Variants in IL4R observed in about 807,000 individuals in gnomAD.
The protein encoded by IL4R is interleukin 4 receptor.
A neutral mutation model predicts 41.5 loss-of-function variants in IL4R; 17 were observed. The observed-to-expected ratio is 0.41, with a 90% CI of 0.28 to 0.61. The LOEUF (loss-of-function observed/expected upper bound fraction) is 0.61. Among genes scored for constraint, IL4R ranks in the 20% least tolerant of loss-of-function variants. The pLI, the probability that IL4R is intolerant of heterozygous loss-of-function variation, is 0.31. For synonymous variants in IL4R, 402 were observed against 422.9 expected (o/e 0.95, Z 0.61); for missense variants, 974 against 1,043.1 (o/e 0.93, Z 0.91).
intron 2 of IL4R, among the ~76,000 whole-genome samples, chr16:27,336,276 G>A (rs1165358853): frequency 6.6e-6 from 1 of 152,094 alleles, no homozygotes; most frequent in African/African-American, 2.4e-5. Context: ...ATGGAATACT[G>A]AGAGTGAAAA....
chr16:27,348,490 G>T (rs2085743819), intron 6 of IL4R, among the ~76,000 whole-genome samples: 1 of 152,234 alleles, frequency 6.6e-6, no homozygotes, highest in South Asian at 2.1e-4. Context: ...AACCTGTCCA[G>T]CTCTGCGCCC....
At chr16:27,348,477 A>G (rs951448438) in intron 6 of IL4R, among the ~76,000 whole-genome samples, 2 of 152,224 alleles carry the variant, frequency 1.3e-5, no homozygotes, top group Non-Finnish European at 2.9e-5. Flanking sequence ...TCCAGCTTCT[A>G]GGAACCTGTC....
At chr16:27,356,416 A>C (rs56674260) in intron 8 of IL4R, among the ~76,000 whole-genome samples, 3,572 of 152,276 alleles carry the variant, frequency 0.023, 142 homozygotes, top group African/African-American at 0.077. Flanking sequence ...TAAAACCGGC[A>C]TCCTACTGGG....
intron 10 of IL4R, among the ~76,000 whole-genome samples, chr16:27,361,951 G>A (rs1048849169): frequency 2.6e-5 from 4 of 152,056 alleles, no homozygotes; most frequent in African/African-American, 9.7e-5. Flanking sequence ...CATGGCTTGG[G>A]ATAATGGTGT....
In IL4R at chr16:27,352,632, G is replaced by A. The variant is rs761403312; in HGVS notation, c.606G>A (p.Arg202=). 1.5e-5 allele frequency: 25 copies of A among 1,614,024 alleles called. No homozygotes were observed. The highest frequency in any genetic ancestry group is 2.1e-5 in the Non-Finnish European group (25 of 1,180,016). ...GGATTTCCTACAGGGCACGGGTGAG[G>A]GCCTGGGCTCAGTGCTATAACACCA... is the stretch of plus-strand genomic sequence containing the variant. ...KSGISYRARV[R]AWAQCYNTTW... Residue 202 remains arginine, a synonymous_variant, in exon 7 of 11, where the codon AGG becomes AGA. Transcript: ENST00000395762.
intron 8 of IL4R, among the ~76,000 whole-genome samples, chr16:27,357,733 G>A (rs968165124): frequency 3.9e-5 from 6 of 152,042 alleles, no homozygotes; most frequent in Non-Finnish European, 8.8e-5. Flanking sequence ...CAAGGTGCTG[G>A]GTACAGGCAT....
chr16:27,321,447 GT>G (rs748151324), intron 1 of IL4R, among the ~76,000 whole-genome samples: 2 of 152,196 alleles, frequency 1.3e-5, no homozygotes, highest in African/African-American at 2.4e-5. Context: ...CGCAAAGACT[GT>G]TTGTTTGGTC....
chr16:27,315,485 A>C (rs950307348), intron 1 of IL4R: 2 of 152,618 alleles, frequency 1.3e-5, no homozygotes, highest in African/African-American at 4.8e-5. Context: ...CAGCGGCTGC[A>C]GGACCACAAG....
intron 6 of IL4R, among the ~76,000 whole-genome samples, chr16:27,348,160 T>C (rs1459184283): frequency 6.6e-6 from 1 of 152,172 alleles, no homozygotes; most frequent in African/African-American, 2.4e-5. Context: ...TCGATTTATA[T>C]CTCTCAGGTC....
At chr16:27,324,196 G>T (rs2084892111) in intron 1 of IL4R, among the ~76,000 whole-genome samples, 2 of 152,202 alleles carry the variant, frequency 1.3e-5, no homozygotes, top group Admixed American at 1.3e-4. Context: ...TCAGCACCCT[G>T]GCGCCAAGAG....
intron 3 of IL4R, chr16:27,341,248 T>C: frequency 1.5e-6 from 1 of 657,234 alleles, no homozygotes. Flanking sequence ...CCAAGATTTC[T>C]GACCTAAACT....
chr16:27,316,450 C>T (rs919895420), intron 1 of IL4R, among the ~76,000 whole-genome samples: 1 of 152,212 alleles, frequency 6.6e-6, no homozygotes, highest in Non-Finnish European at 1.5e-5. Context: ...CCACCCACCC[C>T]ATCTGGGACG....
At chr16:27,327,306 C>T (rs1050554216) in intron 1 of IL4R, among the ~76,000 whole-genome samples, 9 of 152,164 alleles carry the variant, frequency 5.9e-5, no homozygotes, top group Middle Eastern at 3.2e-3. Flanking sequence ...GCCCCCAGTC[C>T]TCCGCCCCCT....
chr16:27,357,967 C>T (rs1481652443), intron 8 of IL4R, among the ~76,000 whole-genome samples: 1 of 151,132 alleles, frequency 6.6e-6, no homozygotes, highest in Non-Finnish European at 1.5e-5. Flanking sequence ...GATCTCAGCT[C>T]ACTGCAACCT....
rs550602044 is a variant in IL4R at position 27,321,180 on chromosome 16, G to T, written c.-152+7160G>T. On this transcript the variant is annotated intron_variant, in intron 1 of 10. Transcript: ENST00000395762. The stretch of plus-strand genomic sequence containing the variant: ...ACTGGTCTCAAACTCCTGACCTAGG[G>T]TGATCCGCCCACCTCAGCCTCCCAA... Among the ~76,000 whole-genome samples the T allele has an allele frequency of 6.6e-5, 10 of 152,160 alleles. No individual in the cohort carries two copies. In the South Asian group the frequency reaches 2.1e-3, roughly 32 times the overall value.
In IL4R at chr16:27,327,419, C is replaced by T. The variant is rs1386860412; in HGVS notation, c.-151-2647C>T. Among the ~76,000 whole-genome samples, 11 of 152,256 alleles carry T rather than the reference C, an allele frequency of 7.2e-5. No individual in the cohort carries two copies. In the South Asian group the frequency reaches 1.9e-3, roughly 26 times the overall value. On this transcript the variant is annotated intron_variant, in intron 1 of 10. Coordinates refer to ENST00000395762, the MANE Select transcript of IL4R (RefSeq NM_000418.4). ...CAAGGCTTAATCACTTAATCTCCCC[C>T]GAGTTTTTTAAAAAAAGTGAGTCAA...
At chr16:27,355,200 G>A (rs2086016564) in intron 7 of IL4R, 2 of 275,916 alleles carry the variant, frequency 7.2e-6, no homozygotes, top group Non-Finnish European at 1.6e-5. Context: ...GTGAGTGCTG[G>A]GAAGAAAATA....
chr16:27,345,245 T>C lies in IL4R; in HGVS notation c.361+225T>C. The C allele has an allele frequency of 1.5e-6, 1 of 683,506 alleles. No individual in the cohort carries two copies. Among genetic ancestry groups the C allele is most frequent in the Non-Finnish European group, 2.7e-6 (1 of 374,880 alleles). The allele number at this position is 683,506 out of a possible 1,614,324, so 42.3% of individuals were successfully genotyped here. A position where few individuals can be genotyped will look rare whatever the true frequency, so the allele number is the denominator to read the frequency against. On this transcript the variant is annotated intron_variant, in intron 5 of 10. Coordinates refer to ENST00000395762, the MANE Select transcript of IL4R (RefSeq NM_000418.4). The surrounding 1 kb of genome is among the most constrained non-coding windows in gnomAD (Gnocchi z 4.5). ...ACCACCAAGCCCCCTTCAGCCCAGC[T>C]GTTTCCACCCCTGAACTTAAGTGCC...
intron 8 of IL4R, among the ~76,000 whole-genome samples, chr16:27,358,630 A>G (rs535015768): frequency 3.7e-4 from 57 of 152,324 alleles, no homozygotes; most frequent in East Asian, 3.9e-4. Context: ...TGGCCTCCTC[A>G]GGAACTCTGT....
Sources: gnomAD v4.1 joint callset for allele counts (sites outside exome capture counted in the v4.1 genomes callset) on GRCh38, gnomAD v4.1.1 for gene constraint, Gnocchi (gnomAD v3.1) non-coding constraint, MANE v1.5 for transcripts, NCBI Gene and HGNC (gene_info 2026-07-23, HGNC 2026-07-21) for gene names.